RAB31: variants seen among roughly 807,000 people sequenced by gnomAD.
RAB31 encodes the protein RAB31, member RAS oncogene family, also known as ras-related protein Rab-31.
In RAB31, 21 loss-of-function variants were observed where a neutral mutation model predicts 25.6. The observed-to-expected ratio is 0.82, with a 90% CI of 0.58 to 1.18. The LOEUF (loss-of-function observed/expected upper bound fraction) is 1.18. RAB31 is among the 50% of genes most tolerant of loss of function. RAB31 has a pLI of 0.00. For missense variants in RAB31, 196 were observed against 250.1 expected, an observed-to-expected ratio of 0.78 and a Z score of 1.46; for synonymous variants, 87 against 84.0, an observed-to-expected ratio of 1.04 and a Z score of -0.20.
chr18:9,803,932 A>G (rs575401901), intron 3 of RAB31, among the ~76,000 whole-genome samples: 33 of 152,346 alleles, frequency 2.2e-4, no homozygotes, highest in Admixed American at 3.3e-4. Context: ...TGGGTGTCAG[A>G]ATGCCAGCGA....
chr18:9,749,228 A>C (rs1045990510), intron 1 of RAB31, among the ~76,000 whole-genome samples: 7 of 152,230 alleles, frequency 4.6e-5, no homozygotes, highest in African/African-American at 1.4e-4. Context: ...CACTTATTGA[A>C]CATTTGCTGT....
intron 3 of RAB31, among the ~76,000 whole-genome samples, chr18:9,793,570 G>T (rs1042938220): frequency 1.3e-5 from 2 of 151,960 alleles, no homozygotes; most frequent in African/African-American, 4.8e-5. Flanking sequence ...GCTGAGGCAG[G>T]AGAATGGCGT....
At chr18:9,815,072 T>C in intron 4 of RAB31, 44 bp from the exon 5 acceptor site, 1 of 1,332,986 alleles carries the variant, frequency 7.5e-7, no homozygotes, top group African/African-American at 1.5e-5. Context: ...TGAAATATTA[T>C]ATTGAGGGGT....
intron 2 of RAB31, among the ~76,000 whole-genome samples, chr18:9,778,837 T>C (rs1365111629): frequency 4.6e-5 from 7 of 152,228 alleles, no homozygotes; most frequent in African/African-American, 1.7e-4. Flanking sequence ...TGAAGCCTTA[T>C]GGAGAACATA....
chr18:9,812,687 CTATT>C (rs2068579294), intron 3 of RAB31, among the ~76,000 whole-genome samples: 2 of 100,890 alleles, frequency 2.0e-5, no homozygotes, highest in Admixed American at 1.4e-4. Context: ...CTCCAGGATA[CTATT>C]TTTTTTTTTT....
chr18:9,784,034 T>G (rs559029935), intron 2 of RAB31, among the ~76,000 whole-genome samples: 1 of 152,274 alleles, frequency 6.6e-6, no homozygotes, highest in South Asian at 2.1e-4. Context: ...TTATGTATTT[T>G]TATACATTTA....
intron 3 of RAB31, among the ~76,000 whole-genome samples, chr18:9,799,516 A>G (rs1281352757): frequency 6.6e-6 from 1 of 152,106 alleles, no homozygotes; most frequent in African/African-American, 2.4e-5. Flanking sequence ...TTTATTTTAG[A>G]GACAGGGTCT....
At chr18:9,764,501 C>T (rs537775232) in intron 1 of RAB31, among the ~76,000 whole-genome samples, 11 of 152,214 alleles carry the variant, frequency 7.2e-5, no homozygotes, top group Non-Finnish European at 1.3e-4. Context: ...TTTCCTTATG[C>T]GGGAATTGAG....
intron 1 of RAB31, among the ~76,000 whole-genome samples, chr18:9,731,085 G>C (rs2068120669): frequency 6.6e-6 from 1 of 152,166 alleles, no homozygotes; most frequent in African/African-American, 2.4e-5. Context: ...CAGCATATCT[G>C]CTGTTTCACA....
intron 6 of RAB31, among the ~76,000 whole-genome samples, chr18:9,854,809 A>G (rs1041604966): frequency 6.6e-6 from 1 of 152,220 alleles, no homozygotes; most frequent in East Asian, 1.9e-4. Flanking sequence ...CTACATGGCT[A>G]GAGGCTAAAG....
intron 6 of RAB31, among the ~76,000 whole-genome samples, chr18:9,848,754 C>T (rs1178485706): frequency 6.6e-6 from 1 of 152,146 alleles, no homozygotes; most frequent in Non-Finnish European, 1.5e-5. Context: ...AAATAAAAGC[C>T]CTTTAAAAAG....
intron 3 of RAB31, among the ~76,000 whole-genome samples, chr18:9,802,045 CTTA>C (rs200008866): frequency 0.011 from 1,628 of 152,266 alleles, 32 homozygotes; most frequent in African/African-American, 0.038. Flanking sequence ...ATTTTTTCTC[CTTA>C]TGCCAATACC....
intron 4 of RAB31, 125 bp downstream of exon 4, chr18:9,814,216 C>T (rs1200919489): frequency 7.9e-6 from 5 of 631,086 alleles, no homozygotes; most frequent in Non-Finnish European, 1.4e-5. Context: ...GAGTTTATTT[C>T]ATGTATATGT....
intron 5 of RAB31, among the ~76,000 whole-genome samples, chr18:9,844,003 C>G (rs568284644): frequency 6.6e-6 from 1 of 152,268 alleles, no homozygotes; most frequent in African/African-American, 2.4e-5. Context: ...GGTGGGCGCT[C>G]TCCCATCACT....
At chr18:9,754,578 C>G (rs2068251574) in intron 1 of RAB31, among the ~76,000 whole-genome samples, 1 of 152,118 alleles carries the variant, frequency 6.6e-6, no homozygotes, top group Non-Finnish European at 1.5e-5. Context: ...CTGCACCCAG[C>G]CCAGACTTTT....
chr18:9,842,676 G>C (rs1015885374), intron 5 of RAB31, among the ~76,000 whole-genome samples: 10 of 152,166 alleles, frequency 6.6e-5, no homozygotes, highest in African/African-American at 2.4e-4. Context: ...GCATGTGACA[G>C]TTTGAAACAC....
chr18:9,762,059 C>T (rs745856919), intron 1 of RAB31, among the ~76,000 whole-genome samples: 4 of 152,130 alleles, frequency 2.6e-5, no homozygotes, highest in African/African-American at 4.8e-5. Context: ...CCACCTGCCT[C>T]GGCCTCCCAA....
intron 2 of RAB31, among the ~76,000 whole-genome samples, chr18:9,779,743 C>G (rs2068392324): frequency 6.6e-6 from 1 of 152,172 alleles, no homozygotes; most frequent in Non-Finnish European, 1.5e-5. Flanking sequence ...TGGGCTTAAG[C>G]CAAGCTGGTT....
intron 6 of RAB31, among the ~76,000 whole-genome samples, chr18:9,853,094 T>C (rs2068797381): frequency 1.3e-5 from 2 of 152,286 alleles, no homozygotes; most frequent in South Asian, 2.1e-4. Flanking sequence ...TATTGTTGAG[T>C]TCTAAAGGTT....
Sources: gnomAD v4.1 joint callset for allele counts (sites outside exome capture counted in the v4.1 genomes callset) on GRCh38, gnomAD v4.1.1 for gene constraint, MANE v1.5 for transcripts, NCBI Gene and HGNC (gene_info 2026-07-23, HGNC 2026-07-21) for gene names.